IL1RL2: variants seen among roughly 807,000 people sequenced by gnomAD.
IL1RL2 encodes interleukin 1 receptor like 2.
A neutral mutation model predicts 66.8 loss-of-function variants in IL1RL2; 68 were observed. The observed-to-expected ratio is 1.02, with a 90% CI of 0.84 to 1.25. IL1RL2 has a LOEUF of 1.25. IL1RL2 is among the 50% of genes most tolerant of loss of function. The pLI, the probability that IL1RL2 is intolerant of heterozygous loss-of-function variation, is 0.00. For synonymous variants in IL1RL2, 305 were observed against 264.6 expected, an observed-to-expected ratio of 1.15 and a Z score of -1.48; for missense variants, 729 against 709.3, an observed-to-expected ratio of 1.03 and a Z score of -0.32.
At chr2:102,190,460 G>C (rs1209670718) in intron 3 of IL1RL2, among the ~76,000 whole-genome samples, 1 of 152,142 alleles carries the variant, frequency 6.6e-6, no homozygotes, top group Non-Finnish European at 1.5e-5. Flanking sequence ...GTGTGAAGTA[G>C]GTACTCCATT....
In IL1RL2 at chr2:102,225,960, G is replaced by A. The variant is rs33946385; in HGVS notation, c.1054G>A (p.Val352Ile). The A allele has an allele frequency of 3.0e-3, 4,789 of 1,611,318 alleles. 145 individuals are homozygous for A. The African/African-American group carries it at 0.057, about 19-fold the overall frequency. The change falls in exon 9 of 12, where the codon GTT becomes ATT. Residue 352 changes from valine (V) to isoleucine (I), a missense_variant. Physicochemically the swap from Val to Ile is conservative, Grantham distance 29 (BLOSUM62 3). Transcript: ENST00000264257. ...CGCCTTGGTGGCTGTGGCTGTGTCT[G>A]TTGTGTACATATACAACATTTTTAA... is the stretch of plus-strand genomic sequence containing the variant. ...LIALVAVAVS[V>I]VYIYNIFKID...
chr2:102,194,113 C>A (rs926775488), intron 4 of IL1RL2, among the ~76,000 whole-genome samples: 9 of 152,200 alleles, frequency 5.9e-5, no homozygotes, highest in African/African-American at 2.2e-4. Flanking sequence ...AGGCCCACCT[C>A]TTCCATCTTG....
At chr2:102,194,569 C>T (rs1431506470) in intron 4 of IL1RL2, among the ~76,000 whole-genome samples, 2 of 152,134 alleles carry the variant, frequency 1.3e-5, no homozygotes, top group Non-Finnish European at 2.9e-5. Flanking sequence ...CTATACCTGA[C>T]AACACATGGT....
intron 11 of IL1RL2, among the ~76,000 whole-genome samples, chr2:102,238,620 A>G (rs938017588): frequency 6.6e-6 from 1 of 152,112 alleles, no homozygotes; most frequent in Non-Finnish European, 1.5e-5. Context: ...CTTGTTTGGT[A>G]TTGATCTGGG....
chr2:102,234,911 A>G lies in IL1RL2; in HGVS notation c.1312A>G (p.Ile438Val), dbSNP rs755879922. 5.0e-6 allele frequency: 8 copies of G among 1,611,702 alleles called. No individual in the cohort carries two copies. The highest frequency in any genetic ancestry group is 6.8e-6 in the Non-Finnish European group (8 of 1,177,986). ...EFPGQAVANV[I>V]DENVKLCRRL... ...TTTATTTCCAGCCGTGGCCAATGTC[A>G]TCGATGAAAACGTTAAGCTGTGCAG... Residue 438 changes from isoleucine to valine, a missense_variant, in exon 11 of 12, where the codon ATC (isoleucine) becomes GTC (valine). Transcript: ENST00000264257.
chr2:102,239,435 G>C lies in IL1RL2; in HGVS notation c.*194G>C. The C allele has an allele frequency of 7.1e-6, 4 of 562,942 alleles. No homozygotes were observed. Among genetic ancestry groups the C allele is most frequent in the Non-Finnish European group, 1.3e-5 (4 of 304,726 alleles). The allele number at this position is 562,942 out of a possible 1,614,324, so 34.9% of individuals were successfully genotyped here. ...CCATGTCATGGTGGGTGAGAGCTGG[G>C]GCCATCCCCGTGGTCATGGAGGGTG... On this transcript the variant is annotated 3_prime_UTR_variant, in exon 12 of 12. Coordinates refer to ENST00000264257, the MANE Select transcript of IL1RL2 (RefSeq NM_003854.4).
At chr2:102,214,160 A>G (rs1689411663) in intron 6 of IL1RL2, among the ~76,000 whole-genome samples, 2 of 152,044 alleles carry the variant, frequency 1.3e-5, no homozygotes, top group South Asian at 4.1e-4. Context: ...TTCTTTCTCT[A>G]CTCCTGTCTT....
In IL1RL2 at chr2:102,235,118, A is replaced by G; in HGVS notation, c.1519A>G (p.Lys507Glu). The G allele has an allele frequency of 3.7e-6, 6 of 1,614,216 alleles. No individual in the cohort carries two copies. Among genetic ancestry groups the G allele is most frequent in the Non-Finnish European group, 5.1e-6 (6 of 1,180,032 alleles). The change falls in exon 11 of 12, where the codon AAG becomes GAG. Residue 507 changes from lysine (K) to glutamate (E), a missense_variant. Transcript: ENST00000264257. ...MPESIQYIKQKHGAIRWHGDF... is the reference protein window; with the variant it reads ...MPESIQYIKQEHGAIRWHGDF... ...AGAGTCAATTCAGTACATCAAACAG[A>G]AGCATGGTGCCATCCGGTGGCATGG... is the stretch of plus-strand genomic sequence containing the variant.
At chr2:102,218,775 C>G (rs1689835428) in intron 6 of IL1RL2, among the ~76,000 whole-genome samples, 178 bp from the exon 7 acceptor site, 1 of 152,086 alleles carries the variant, frequency 6.6e-6, no homozygotes, top group Non-Finnish European at 1.5e-5. Flanking sequence ...GCCACTTGCC[C>G]CTTGTGGTCT....
rs748232508 is a variant in IL1RL2 at position 102,200,425 on chromosome 2, A to G, written c.490-1131A>G. Among the ~76,000 whole-genome samples the G allele has an allele frequency of 2.0e-5, 3 of 152,310 alleles. No individual in the cohort carries two copies. The South Asian group carries it at 6.2e-4, about 32-fold the overall frequency. On this transcript the variant is annotated intron_variant, in intron 4 of 11. Coordinates refer to ENST00000264257, the MANE Select transcript of IL1RL2 (RefSeq NM_003854.4). ...GGTGGAGAATGAAGTGTGACTCTGAACCATGCCTAAGTGAGGAGAGAGCCT... is the reference window on the plus strand; with the variant it reads ...GGTGGAGAATGAAGTGTGACTCTGAGCCATGCCTAAGTGAGGAGAGAGCCT...
At chr2:102,207,563 ACT>A (rs1379356109) in intron 5 of IL1RL2, among the ~76,000 whole-genome samples, 1 of 151,750 alleles carries the variant, frequency 6.6e-6, no homozygotes, top group Non-Finnish European at 1.5e-5. Flanking sequence ...GGGCTTCATG[ACT>A]CTGATCATTG....
intron 6 of IL1RL2, among the ~76,000 whole-genome samples, chr2:102,213,391 T>C (rs1011254288): frequency 6.6e-6 from 1 of 152,144 alleles, no homozygotes; most frequent in Non-Finnish European, 1.5e-5. Flanking sequence ...AATAAAATAA[T>C]CGCACTTAAT....
rs774538183 is a variant in IL1RL2 at position 102,219,883 on chromosome 2, C to T, written c.857C>T (p.Thr286Ile). Residue 286 changes from threonine to isoleucine, a missense_variant and splice_region_variant, in exon 8 of 12, where the codon ACC becomes ATC. Coordinates refer to ENST00000264257, the MANE Select transcript of IL1RL2 (RefSeq NM_003854.4). ...TGACTTACTCTTTTCTTTTATAGAA[C>T]CCATGTCTCTTTTCGGGAACATAAT... ...ESKRIREGVE[T>I]HVSFREHNLY... The T allele has an allele frequency of 1.2e-6, 2 of 1,603,512 alleles. No homozygotes were observed. Among genetic ancestry groups the T allele is most frequent in the East Asian group, 4.5e-5 (2 of 44,630 alleles).
Position 102,233,236 on chromosome 2 carries a change from G to C in IL1RL2, c.1297+112G>C, listed in dbSNP as rs186336500. The C allele has an allele frequency of 4.9e-5, 52 of 1,061,214 alleles. No homozygotes were observed. The African/African-American group carries it at 7.5e-4, about 15-fold the overall frequency. 65.7% of individuals were successfully genotyped at this position (1,061,214 alleles called of 1,614,324 possible). A position where few individuals can be genotyped will look rare whatever the true frequency, so the allele number is the denominator to read the frequency against. On this transcript the variant is annotated intron_variant, in intron 10 of 11. Transcript: ENST00000264257. ...TGCCTGCCTTCCCCATGGAACCACA[G>C]AGAGTCTATGACCAGCGCCCCCTGC...
downstream of IL1RL2, among the ~76,000 whole-genome samples, chr2:102,241,555 G>A (rs781086330): frequency 6.6e-5 from 10 of 152,196 alleles, no homozygotes; most frequent in Non-Finnish European, 1.3e-4. Context: ...GGATTAATTC[G>A]TACAAAAGCC....
At chr2:102,205,866 T>C (rs747913158) in intron 5 of IL1RL2, among the ~76,000 whole-genome samples, 6 of 152,214 alleles carry the variant, frequency 3.9e-5, no homozygotes, top group Non-Finnish European at 8.8e-5. Context: ...CAATAACTTT[T>C]AGATTTGCCC....
intron 7 of IL1RL2, among the ~76,000 whole-genome samples, 159 bp from the exon 8 acceptor site, chr2:102,219,722 A>C (rs1297134602): frequency 6.6e-6 from 1 of 152,170 alleles, no homozygotes; most frequent in Non-Finnish European, 1.5e-5. Flanking sequence ...GGAATATACA[A>C]TCTACAAACC....
Position 102,189,157 on chromosome 2 carries a change from T to A in IL1RL2, c.140T>A (p.Ile47Lys), listed in dbSNP as rs1687000441. ...PFAFNCTFPP[I>K]TSGEVSVTWY... is the part of the protein sequence containing the mutation. The stretch of plus-strand genomic sequence containing the variant: ...GCTTTTAATTGTACATTCCCTCCCA[T>A]AACATCTGGGGAAGTCAGTGTAACA... The change falls in exon 3 of 12, where the codon ATA becomes AAA. Residue 47 changes from isoleucine to lysine, a missense_variant. Physicochemically the swap from Ile to Lys is moderately radical, Grantham distance 102 (BLOSUM62 -3). Coordinates refer to ENST00000264257, the MANE Select transcript of IL1RL2 (RefSeq NM_003854.4). The A allele has an allele frequency of 6.2e-7, 1 of 1,614,098 alleles. No individual in the cohort carries two copies. The highest frequency in any genetic ancestry group is 1.1e-5 in the South Asian group (1 of 91,088).
chr2:102,204,007 A>T (rs548039583), intron 5 of IL1RL2, among the ~76,000 whole-genome samples: 1 of 151,348 alleles, frequency 6.6e-6, no homozygotes, highest in Non-Finnish European at 1.5e-5. Context: ...CTCTTTTTTG[A>T]TGTAGGCACT....
Sources: gnomAD v4.1 joint callset for allele counts (sites outside exome capture counted in the v4.1 genomes callset) on GRCh38, gnomAD v4.1.1 for gene constraint, MANE v1.5 for transcripts, NCBI Gene and HGNC (gene_info 2026-07-23, HGNC 2026-07-21) for gene names.